MCM9: variants seen among roughly 807,000 people sequenced by gnomAD.
MCM9 encodes minichromosome maintenance 9 homologous recombination repair factor.
A neutral mutation model predicts 72.8 loss-of-function variants in MCM9; 55 were observed. The observed-to-expected ratio is 0.76, with a 90% CI of 0.61 to 0.95. MCM9 has a LOEUF of 0.95. Among genes scored for constraint, MCM9 ranks in the 40% least tolerant of loss-of-function variants. The pLI, the probability that MCM9 is intolerant of heterozygous loss-of-function variation, is 0.00. For missense variants in MCM9, 1,279 were observed against 1,377.0 expected, an observed-to-expected ratio of 0.93 and a Z score of 1.13; for synonymous variants, 480 against 503.4, an observed-to-expected ratio of 0.95 and a Z score of 0.62.
chr6:118,847,437 A>AAG (rs1330093920), intron 9 of MCM9, among the ~76,000 whole-genome samples: 3 of 150,806 alleles, frequency 2.0e-5, no homozygotes, highest in African/African-American at 4.9e-5. Context: ...AAAAAAAAAA[A>AAG]AAAGAAATTA....
chr6:118,822,297 G>A (rs921868317), intron 13 of MCM9, among the ~76,000 whole-genome samples: 1 of 152,148 alleles, frequency 6.6e-6, no homozygotes, highest in African/African-American at 2.4e-5. Context: ...CTTAGGATGG[G>A]GTTTTTGTGT....
intron 13 of MCM9, among the ~76,000 whole-genome samples, chr6:118,817,490 A>G (rs983056090): frequency 6.6e-6 from 1 of 152,182 alleles, no homozygotes; most frequent in Non-Finnish European, 1.5e-5. Context: ...ATGTCTGCAT[A>G]GTACTCCATG....
intron 9 of MCM9, among the ~76,000 whole-genome samples, chr6:118,849,645 C>T (rs749644159): frequency 1.3e-5 from 2 of 151,754 alleles, no homozygotes; most frequent in Non-Finnish European, 2.9e-5. Flanking sequence ...AAAAAGTGGT[C>T]CTTCTACTTA....
chr6:118,890,342 G>A (rs975233359), intron 8 of MCM9, among the ~76,000 whole-genome samples: 2 of 152,190 alleles, frequency 1.3e-5, no homozygotes, highest in Non-Finnish European at 1.5e-5. Context: ...ATGGGTTTCT[G>A]AGCAGCAGCA....
At chr6:118,907,024 T>C (rs992139665) in intron 8 of MCM9, among the ~76,000 whole-genome samples, 16 of 152,348 alleles carry the variant, frequency 1.1e-4, no homozygotes, top group African/African-American at 3.8e-4. Flanking sequence ...AATTTTTCAT[T>C]TTCCTTTGAA....
chr6:118,835,267 T>C (rs939604132), intron 9 of MCM9, among the ~76,000 whole-genome samples: 4 of 152,224 alleles, frequency 2.6e-5, no homozygotes, highest in Admixed American at 6.5e-5. Context: ...GTAGTCTAGT[T>C]TGAAGTCAGG....
At chr6:118,843,720 G>GTATATATA (rs375762540) in intron 9 of MCM9, among the ~76,000 whole-genome samples, 44 of 101,994 alleles carry the variant, frequency 4.3e-4, no homozygotes, top group East Asian at 8.5e-4. Flanking sequence ...ATATATATAT[G>GTATATATA]TATATATATA....
At chr6:118,930,617 T>C (rs1782342186) in intron 3 of MCM9, among the ~76,000 whole-genome samples, 1 of 152,200 alleles carries the variant, frequency 6.6e-6, no homozygotes, top group South Asian at 2.1e-4. Flanking sequence ...ACTCTAGAAG[T>C]GGTTTGCAAG....
chr6:118,813,706 A>G lies in MCM9; in HGVS notation c.*1118T>C, dbSNP rs186003977. ...ATAACCCTTATTAGAATCCAAAGGA[A>G]TAAGTGATTTTAAAAGCACATAGAA... is the stretch of plus-strand genomic sequence containing the variant. On this transcript the variant is annotated 3_prime_UTR_variant, in exon 14 of 14. Coordinates refer to ENST00000619706, the MANE Select transcript of MCM9 (RefSeq NM_017696.3). The G allele has an allele frequency of 2.6e-5, 4 of 152,318 alleles. No homozygotes were observed. The highest frequency in any genetic ancestry group is 2.0e-4 in the Admixed American group (3 of 15,298). The allele number at this position is 152,318 out of a possible 1,614,324, so 9.4% of individuals were successfully genotyped here. A position where few individuals can be genotyped will look rare whatever the true frequency, so the allele number is the denominator to read the frequency against.
intron 9 of MCM9, among the ~76,000 whole-genome samples, chr6:118,844,890 T>C (rs1223286230): frequency 6.6e-6 from 1 of 151,872 alleles, no homozygotes; most frequent in Non-Finnish European, 1.5e-5. Context: ...TGATTCTTTG[T>C]CTTCATTACA....
chr6:118,852,038 G>A (rs1412296613), intron 9 of MCM9, among the ~76,000 whole-genome samples: 3 of 152,140 alleles, frequency 2.0e-5, no homozygotes, highest in Non-Finnish European at 4.4e-5. Context: ...GACAAACCTG[G>A]AGAGTACAGC....
intron 9 of MCM9, among the ~76,000 whole-genome samples, chr6:118,852,437 C>A (rs1776292183): frequency 6.6e-6 from 1 of 152,076 alleles, no homozygotes; most frequent in Non-Finnish European, 1.5e-5. Context: ...AAAGATTTAT[C>A]CTTCAAATTA....
chr6:118,904,692 G>A (rs1780051139), intron 8 of MCM9, among the ~76,000 whole-genome samples: 1 of 152,222 alleles, frequency 6.6e-6, no homozygotes, highest in Non-Finnish European at 1.5e-5. Context: ...TCTGCCTAAA[G>A]CAATCCTTAC....
chr6:118,901,067 T>C (rs1481265255), intron 8 of MCM9: 3 of 530,256 alleles, frequency 5.7e-6, no homozygotes, highest in South Asian at 2.6e-5. Flanking sequence ...TACTTCCTGG[T>C]TTTATATGCT....
At chr6:118,912,009 T>A (rs1033914723) in intron 7 of MCM9, 2 of 301,274 alleles carry the variant, frequency 6.6e-6, no homozygotes, top group Non-Finnish European at 1.2e-5. Flanking sequence ...TGTTCAGGCC[T>A]ATGTTTAACA....
At chr6:118,821,143 T>C (rs1238444185) in intron 13 of MCM9, among the ~76,000 whole-genome samples, 1 of 152,222 alleles carries the variant, frequency 6.6e-6, no homozygotes, top group Non-Finnish European at 1.5e-5. Context: ...AATATTGTTA[T>C]GTATGAAGTT....
At chr6:118,916,281 T>C (rs886110779) in intron 6 of MCM9, among the ~76,000 whole-genome samples, 5 of 150,610 alleles carry the variant, frequency 3.3e-5, no homozygotes, top group African/African-American at 1.2e-4. Context: ...AAATCTATAA[T>C]GTAGAGAACT....
At chr6:118,831,661 A>T (rs1048518541) in intron 9 of MCM9, among the ~76,000 whole-genome samples, 4 of 152,192 alleles carry the variant, frequency 2.6e-5, no homozygotes, top group Admixed American at 1.3e-4. Context: ...ACAAACACAA[A>T]TACATACATA....
chr6:118,858,870 G>A (rs1489214123), intron 8 of MCM9, among the ~76,000 whole-genome samples: 1 of 152,140 alleles, frequency 6.6e-6, no homozygotes, highest in African/African-American at 2.4e-5. Context: ...CTGTTCTGTA[G>A]TTAAATGCAA....
Sources: allele counts gnomAD v4.1 joint callset (sites outside exome capture counted in the v4.1 genomes callset), GRCh38; gene constraint gnomAD v4.1.1; transcripts MANE v1.5; gene names NCBI Gene and HGNC (gene_info 2026-07-23, HGNC 2026-07-21).